The following NRG1 variants were observed in gnomAD, a reference collection of about 807,000 sequenced individuals.
NRG1 encodes the protein neuregulin 1, also known as pro-neuregulin-1, membrane-bound isoform.
NRG1 carries 18 observed loss-of-function variants against 63.8 expected under a neutral mutation model. The observed-to-expected ratio is 0.28, with a 90% confidence interval of 0.19 to 0.42. The LOEUF (loss-of-function observed/expected upper bound fraction) is 0.42, where lower values mean the gene tolerates loss of function less well. Ranked by LOEUF, NRG1 falls within the 10% of genes least tolerant of loss-of-function variation. The probability of loss-of-function intolerance (pLI) is 1.00; values close to 1 mark genes in which losing one functional copy is unlikely to be tolerated. For missense variants in NRG1, 762 were observed against 814.7 expected, an observed-to-expected ratio of 0.94 and a Z score of 0.79; for synonymous variants, 302 against 301.3, an observed-to-expected ratio of 1.00 and a Z score of -0.02.
chr8:32,262,322 T>C (rs1290384630), intron 1 of NRG1, among the ~76,000 whole-genome samples: 2 of 152,140 alleles, frequency 1.3e-5, no homozygotes, highest in Non-Finnish European at 2.9e-5. Context: ...AAATAGTTCT[T>C]TGATGTATAG....
intron 1 of NRG1, among the ~76,000 whole-genome samples, chr8:32,364,307 T>C (rs1297716654): frequency 6.6e-6 from 1 of 152,050 alleles, no homozygotes; most frequent in East Asian, 1.9e-4. Context: ...TCTCCCCTTT[T>C]TCCTTGGGCA....
At chr8:32,357,163 A>C (rs1385365897) in intron 1 of NRG1, among the ~76,000 whole-genome samples, 1 of 152,176 alleles carries the variant, frequency 6.6e-6, no homozygotes, top group Non-Finnish European at 1.5e-5. Context: ...CCCCATACAG[A>C]CCTTCTGAAC....
chr8:32,095,170 A>G (rs1232243157), intron 1 of NRG1, among the ~76,000 whole-genome samples: 2 of 152,174 alleles, frequency 1.3e-5, no homozygotes, highest in African/African-American at 2.4e-5. Flanking sequence ...TCCGCCTCCC[A>G]AAGTGCTGGG....
chr8:31,714,471 A>T (rs1195627799), intron 1 of NRG1, among the ~76,000 whole-genome samples: 1 of 152,078 alleles, frequency 6.6e-6, no homozygotes, highest in Non-Finnish European at 1.5e-5. Flanking sequence ...TTGAATCCTG[A>T]TGAGTATTAT....
At chr8:31,998,441 ATTTCT>A (rs1389015108) in intron 1 of NRG1, among the ~76,000 whole-genome samples, 2 of 152,062 alleles carry the variant, frequency 1.3e-5, no homozygotes, top group African/African-American at 2.4e-5. Flanking sequence ...GACACATGAA[ATTTCT>A]TTACTATGGA....
chr8:32,640,822 G>A (rs991145617), intron 5 of NRG1, among the ~76,000 whole-genome samples: 5 of 152,066 alleles, frequency 3.3e-5, no homozygotes, highest in African/African-American at 4.8e-5. Context: ...ATCGGCAGGC[G>A]TGGTGGCTCA....
intron 1 of NRG1, among the ~76,000 whole-genome samples, chr8:32,579,166 G>A (rs1840186826): frequency 6.8e-6 from 1 of 146,014 alleles, no homozygotes; most frequent in African/African-American, 2.5e-5. Context: ...GAAAGCTTTG[G>A]AAAATTTTGT....
At chr8:32,095,592 T>C (rs1829796369) in intron 1 of NRG1, among the ~76,000 whole-genome samples, 1 of 152,204 alleles carries the variant, frequency 6.6e-6, no homozygotes, top group Non-Finnish European at 1.5e-5. Flanking sequence ...TGATTAGATG[T>C]ATTTTAGGGG....
At chr8:32,443,290 T>C (rs972532342) in intron 1 of NRG1, among the ~76,000 whole-genome samples, 1 of 152,194 alleles carries the variant, frequency 6.6e-6, no homozygotes, top group Non-Finnish European at 1.5e-5. Flanking sequence ...ATTTGTCTTT[T>C]GCCTCTTCAT....
chr8:32,327,349 A>T (rs1465787290), intron 1 of NRG1, among the ~76,000 whole-genome samples: 1 of 152,234 alleles, frequency 6.6e-6, no homozygotes, highest in Non-Finnish European at 1.5e-5. Context: ...TTTTTTAAAG[A>T]CAACAAAGAA....
intron 1 of NRG1, among the ~76,000 whole-genome samples, chr8:32,018,374 A>G (rs1815901635): frequency 6.6e-6 from 1 of 152,174 alleles, no homozygotes. Flanking sequence ...TCCTTTTCTT[A>G]ACTGATTTGT....
At chr8:32,551,023 G>A (rs1217444326) in intron 1 of NRG1, among the ~76,000 whole-genome samples, 1 of 152,172 alleles carries the variant, frequency 6.6e-6, no homozygotes, top group Non-Finnish European at 1.5e-5. Context: ...CTTGAAACCA[G>A]CTTTATATAG....
chr8:32,750,395 C>G (rs1828457323), intron 7 of NRG1, among the ~76,000 whole-genome samples: 1 of 152,154 alleles, frequency 6.6e-6, no homozygotes, highest in South Asian at 2.1e-4. Context: ...GAAGACCAGT[C>G]TCTGGGGAGT....
At chr8:32,057,691 T>G (rs1823185149) in intron 1 of NRG1, among the ~76,000 whole-genome samples, 1 of 152,182 alleles carries the variant, frequency 6.6e-6, no homozygotes, top group Non-Finnish European at 1.5e-5. Flanking sequence ...TCAGTCTTTT[T>G]GAACTTTTCA....
intron 1 of NRG1, among the ~76,000 whole-genome samples, chr8:32,079,871 GT>G (rs1454162146): frequency 6.6e-6 from 1 of 151,992 alleles, no homozygotes; most frequent in Admixed American, 6.6e-5. Flanking sequence ...CATTCTTAAG[GT>G]CATTTTTGAT....
chr8:31,845,583 C>G lies in NRG1; in HGVS notation c.37+206152C>G, dbSNP rs1364264545. On this transcript the variant is annotated intron_variant, in intron 1 of 10. Transcript: ENST00000519301. ...CTCTAGATCAGCAGAGGTGAATAAG[C>G]ATCATGAATTTAGGAGACTGGCGTT... Among the ~76,000 whole-genome samples, 3 of 152,032 alleles carry G rather than the reference C, an allele frequency of 2.0e-5. No individual in the cohort carries two copies. The East Asian group carries it at 5.8e-4, about 29-fold the overall frequency.
chr8:32,695,807 G>A (rs1813154003), intron 5 of NRG1, among the ~76,000 whole-genome samples: 1 of 152,166 alleles, frequency 6.6e-6, no homozygotes, highest in Non-Finnish European at 1.5e-5. Flanking sequence ...AAGAATCAGA[G>A]GGAGCAAGGT....
At chr8:32,333,728 C>T (rs145223602) in intron 1 of NRG1, among the ~76,000 whole-genome samples, 2 of 152,174 alleles carry the variant, frequency 1.3e-5, no homozygotes, top group East Asian at 3.9e-4. Context: ...TACAATGGAA[C>T]GTTATAAAAC....
chr8:31,871,414 C>T (rs1285354275), intron 1 of NRG1, among the ~76,000 whole-genome samples: 1 of 152,010 alleles, frequency 6.6e-6, no homozygotes, highest in African/African-American at 2.4e-5. Flanking sequence ...AATCCACTGC[C>T]CTCCCTTAGT....
Sources: allele counts gnomAD v4.1 joint callset (sites outside exome capture counted in the v4.1 genomes callset), GRCh38; gene constraint gnomAD v4.1.1; transcripts MANE v1.5; gene names NCBI Gene and HGNC (gene_info 2026-07-23, HGNC 2026-07-21).